The following EMCN variants were observed in gnomAD, a reference collection of about 807,000 sequenced individuals.
The protein encoded by EMCN is endomucin.
EMCN carries 37 observed loss-of-function variants against 38.4 expected under a neutral mutation model. That is an observed-to-expected ratio of 0.96 (90% CI 0.74 to 1.27). The LOEUF is 1.27. Ranked by LOEUF, EMCN falls within the 50% of genes most tolerant of loss-of-function variation. The pLI is 0.00. For missense variants in EMCN, 318 were observed against 302.8 expected (o/e 1.05, Z -0.37); for synonymous variants, 95 against 100.8 (o/e 0.94, Z 0.35).
At chr4:100,472,111 T>G (rs990888911) in intron 3 of EMCN, among the ~76,000 whole-genome samples, 1 of 151,640 alleles carries the variant, frequency 6.6e-6, no homozygotes, top group Admixed American at 6.6e-5. Flanking sequence ...TAAAATAAAA[T>G]TATAAATAAA....
chr4:100,420,280 T>G (rs2110216811), intron 8 of EMCN, among the ~76,000 whole-genome samples: 1 of 152,188 alleles, frequency 6.6e-6, no homozygotes, highest in African/African-American at 2.4e-5. Context: ...AATCCAAATC[T>G]GTAGTAATAC....
intron 2 of EMCN, among the ~76,000 whole-genome samples, chr4:100,476,922 C>G (rs72692126): frequency 0.22 from 32,785 of 151,972 alleles, 3,678 homozygotes; most frequent in Middle Eastern, 0.31. Context: ...AATGGGGTAC[C>G]CAAACTCATT....
At chr4:100,510,330 T>C (rs1411296067) in intron 1 of EMCN, among the ~76,000 whole-genome samples, 1 of 152,234 alleles carries the variant, frequency 6.6e-6, no homozygotes, top group Non-Finnish European at 1.5e-5. Flanking sequence ...TTGCATATAA[T>C]GTATAAAATT....
chr4:100,509,485 A>G (rs114666622), intron 1 of EMCN, among the ~76,000 whole-genome samples: 2,771 of 152,322 alleles, frequency 0.018, 75 homozygotes, highest in African/African-American at 0.063. Flanking sequence ...ATGGTTGTTT[A>G]GAGTTGTCAC....
At chr4:100,485,791 T>C (rs930402220) in intron 1 of EMCN, among the ~76,000 whole-genome samples, 4 of 152,216 alleles carry the variant, frequency 2.6e-5, no homozygotes, top group African/African-American at 9.6e-5. Flanking sequence ...CTTTGATCCA[T>C]GGCCAACCAC....
intron 5 of EMCN, among the ~76,000 whole-genome samples, chr4:100,447,164 C>T (rs940393102): frequency 1.3e-5 from 2 of 152,154 alleles, no homozygotes; most frequent in Non-Finnish European, 2.9e-5. Context: ...TTTTTGGATA[C>T]TATGACCAGA....
At chr4:100,448,846 T>TC (rs1727759734) in intron 4 of EMCN, among the ~76,000 whole-genome samples, 2 of 149,554 alleles carry the variant, frequency 1.3e-5, no homozygotes, top group African/African-American at 5.0e-5. Flanking sequence ...CTCCCTCCCT[T>TC]CCTTGCTTTC....
intron 1 of EMCN, among the ~76,000 whole-genome samples, chr4:100,490,159 T>C (rs1224354662): frequency 7.2e-6 from 1 of 139,812 alleles, no homozygotes; most frequent in East Asian, 2.2e-4. Flanking sequence ...CTTAATTTTT[T>C]ACAACTTGAA....
intron 1 of EMCN, among the ~76,000 whole-genome samples, chr4:100,482,771 G>A (rs554397739): frequency 6.6e-6 from 1 of 152,228 alleles, no homozygotes; most frequent in East Asian, 1.9e-4. Flanking sequence ...GAAAATGCAT[G>A]GGGCAGAGAA....
At chr4:100,470,574 GA>G (rs1426319822) in intron 3 of EMCN, among the ~76,000 whole-genome samples, 2 of 151,674 alleles carry the variant, frequency 1.3e-5, no homozygotes, top group African/African-American at 4.8e-5. Context: ...ATTCTATTAT[GA>G]AGCACACATA....
At chr4:100,449,403 C>G (rs1363338373) in intron 4 of EMCN, among the ~76,000 whole-genome samples, 7 of 152,080 alleles carry the variant, frequency 4.6e-5, no homozygotes, top group Non-Finnish European at 1.0e-4. Flanking sequence ...TCTGTTAGCT[C>G]TAGTTTTCAT....
chr4:100,499,399 A>G (rs1729291912), intron 1 of EMCN, among the ~76,000 whole-genome samples: 1 of 152,256 alleles, frequency 6.6e-6, no homozygotes. Context: ...CCACATTGAA[A>G]TGATTCATCA....
chr4:100,414,348 C>CTTTTTTT (rs5860622), intron 10 of EMCN, among the ~76,000 whole-genome samples: 1 of 59,810 alleles, frequency 1.7e-5, no homozygotes, highest in Non-Finnish European at 3.4e-5. Flanking sequence ...TGCTTGAGCA[C>CTTTTTTT]TTTTTTTTTT....
At chr4:100,460,234 A>G (rs144236355) in intron 4 of EMCN, among the ~76,000 whole-genome samples, 18 of 152,060 alleles carry the variant, frequency 1.2e-4, no homozygotes, top group African/African-American at 3.9e-4. Flanking sequence ...TTTTTGTGAA[A>G]TGTCCATTCA....
rs534417115 is a variant in EMCN, at chr4:100,484,529, G to A, written c.65-4490C>T. ...TGCCTCCTGAGTAGCTAGGATTACA[G>A]GTGTGCACCATGACTGGCTAAAGTC... On this transcript the variant is annotated intron_variant, in intron 1 of 11. Coordinates refer to ENST00000296420, the MANE Select transcript of EMCN (RefSeq NM_016242.4). 2.4e-3 allele frequency among the ~76,000 whole-genome samples: 372 copies of A among 152,206 alleles called. 1 individual carries two copies. Among genetic ancestry groups the A allele is most frequent in the African/African-American group, 8.6e-3 (358 of 41,532 alleles).
chr4:100,443,405 G>T (rs137972265), intron 5 of EMCN, among the ~76,000 whole-genome samples: 11 of 152,312 alleles, frequency 7.2e-5, no homozygotes, highest in Admixed American at 3.9e-4. Context: ...GGCACAGTGG[G>T]GTAATCAATG....
intron 5 of EMCN, among the ~76,000 whole-genome samples, chr4:100,438,582 C>T (rs1429511303): frequency 6.6e-6 from 1 of 151,322 alleles, no homozygotes; most frequent in African/African-American, 2.4e-5. Context: ...ATTTCTTTTC[C>T]TTGTATGATT....
At chr4:100,437,093 T>C (rs1255871966) in intron 5 of EMCN, among the ~76,000 whole-genome samples, 1 of 152,302 alleles carries the variant, frequency 6.6e-6, no homozygotes, top group East Asian at 1.9e-4. Context: ...AAATGTGTTA[T>C]CTTTTGACTT....
At chr4:100,474,502 T>A (rs991126195) in intron 3 of EMCN, among the ~76,000 whole-genome samples, 5 of 152,176 alleles carry the variant, frequency 3.3e-5, no homozygotes, top group African/African-American at 7.2e-5. Flanking sequence ...TCAAGACATA[T>A]ACTTAAGAGA....
Sources: allele counts gnomAD v4.1 joint callset (sites outside exome capture counted in the v4.1 genomes callset), GRCh38; gene constraint gnomAD v4.1.1; transcripts MANE v1.5; gene names NCBI Gene and HGNC (gene_info 2026-07-23, HGNC 2026-07-21).